The following HK1 variants were observed in gnomAD, a reference collection of about 807,000 sequenced individuals.
The protein encoded by HK1 is hexokinase-1.
In HK1, 28 loss-of-function variants were observed where a neutral mutation model predicts 91.6. That is an observed-to-expected ratio of 0.31 (90% CI 0.23 to 0.42). The LOEUF is 0.42. HK1 is among the 10% of genes least tolerant of loss of function. The pLI is 1.00. For missense variants in HK1, 770 were observed against 1,219.8 expected (o/e 0.63, Z 5.49); for synonymous variants, 430 against 468.1 (o/e 0.92, Z 1.05).
intron 1 of HK1, among the ~76,000 whole-genome samples, chr10:69,271,393 AC>A (rs1160050167): frequency 6.6e-6 from 1 of 152,172 alleles, no homozygotes; most frequent in Non-Finnish European, 1.5e-5. Context: ...TTAAAGTGGC[AC>A]CATGGTAATA....
chr10:69,346,721 AC>A (rs1848582133), intron 2 of HK1, among the ~76,000 whole-genome samples: 2 of 152,072 alleles, frequency 1.3e-5, no homozygotes, highest in African/African-American at 2.4e-5. Flanking sequence ...CATTAAAAAA[AC>A]CCCAAAAACC....
At chr10:69,386,957 A>G (rs17489768) in intron 13 of HK1, among the ~76,000 whole-genome samples, 16,394 of 152,076 alleles carry the variant, frequency 0.11, 1,009 homozygotes, top group South Asian at 0.22. Flanking sequence ...AAGGCAAATC[A>G]TGACTCTCAT....
chr10:69,343,876 A>T lies in HK1; in HGVS notation c.113A>T (p.Asp38Val). The T allele has an allele frequency of 6.2e-7, 1 of 1,613,960 alleles. No homozygotes were observed. Among genetic ancestry groups the T allele is most frequent in the Non-Finnish European group, 8.5e-7 (1 of 1,179,938 alleles). ...AMRLSDETLI[D>V]IMTRFRKEMK... ...CGGCTCTCCGATGAAACTCTCATAG[A>T]TATCATGACTCGCTTCAGGAAGGAG... Residue 38 changes from aspartate (D) to valine (V), a missense_variant, in exon 2 of 18, where the codon GAT becomes GTT. This residue lies in a region of HK1 where 449 missense variants were observed against 665.1 expected (regional missense o/e 0.68). Transcript: ENST00000359426.
At chr10:69,334,706 G>A (rs948131455) in intron 1 of HK1, among the ~76,000 whole-genome samples, 46 of 152,078 alleles carry the variant, frequency 3.0e-4, no homozygotes, top group African/African-American at 1.1e-3. Context: ...GCACACAAAG[G>A]GCCCAGAGGG....
chr10:69,302,074 C>T (rs1267517551), intron 5 of HK1, among the ~76,000 whole-genome samples: 4 of 151,786 alleles, frequency 2.6e-5, no homozygotes, highest in African/African-American at 9.7e-5. Context: ...GGTGAAACCC[C>T]ATCTCTACTA....
At chr10:69,371,710 T>G (rs1244433602) in intron 7 of HK1, among the ~76,000 whole-genome samples, 1 of 152,216 alleles carries the variant, frequency 6.6e-6, no homozygotes, top group Non-Finnish European at 1.5e-5. Flanking sequence ...AACTTGGATC[T>G]CTCTGCTGTC....
chr10:69,278,882 C>T (rs1016546248), intron 1 of HK1: 9 of 152,016 alleles, frequency 5.9e-5, no homozygotes, highest in African/African-American at 2.2e-4. Flanking sequence ...AGCTTGCTCT[C>T]CAGTGTTTGG....
intron 17 of HK1, among the ~76,000 whole-genome samples, chr10:69,399,042 C>T (rs1409731292): frequency 2.0e-5 from 3 of 152,198 alleles, no homozygotes; most frequent in Non-Finnish European, 4.4e-5. Flanking sequence ...AGTGGCTTCA[C>T]TTGGCCAGCT....
chr10:69,382,971 A>G (rs138464726), intron 10 of HK1, among the ~76,000 whole-genome samples, 180 bp downstream of exon 10: 1 of 152,178 alleles, frequency 6.6e-6, no homozygotes, highest in Non-Finnish European at 1.5e-5. Context: ...CATGTGTGTG[A>G]CTCAGGGCAG....
intron 7 of HK1, among the ~76,000 whole-genome samples, chr10:69,372,684 G>A (rs1362907785): frequency 6.6e-6 from 1 of 152,032 alleles, no homozygotes; most frequent in African/African-American, 2.4e-5. Flanking sequence ...TGGTAATCAG[G>A]GAGGATCTAG....
intron 1 of HK1, among the ~76,000 whole-genome samples, chr10:69,276,793 T>A (rs558964194): frequency 1.3e-5 from 2 of 149,492 alleles, no homozygotes; most frequent in Non-Finnish European, 3.0e-5. Context: ...ATAACTATTA[T>A]CTTTATATAT....
At chr10:69,356,121 A>G (rs1395419448) in intron 2 of HK1, among the ~76,000 whole-genome samples, 1 of 152,166 alleles carries the variant, frequency 6.6e-6, no homozygotes, top group Non-Finnish European at 1.5e-5. Context: ...AAAAGAAAAA[A>G]CGTAAAACTG....
intron 14 of HK1, 77 bp downstream of exon 14, chr10:69,389,373 C>G (rs1192776207): frequency 1.0e-6 from 1 of 969,240 alleles, no homozygotes; most frequent in Non-Finnish European, 1.6e-6. Flanking sequence ...CTTGGCCCAG[C>G]AGCTTGGTCC....
chr10:69,295,304 C>G (rs1424972039), intron 3 of HK1, among the ~76,000 whole-genome samples: 6 of 152,216 alleles, frequency 3.9e-5, no homozygotes, highest in African/African-American at 1.4e-4. Context: ...ACCGGCACAT[C>G]TGTCTTTCTT....
chr10:69,305,641 G>C (rs573095577), intron 5 of HK1, among the ~76,000 whole-genome samples: 8 of 152,052 alleles, frequency 5.3e-5, no homozygotes, highest in African/African-American at 1.9e-4. Flanking sequence ...GATCACCTGA[G>C]GTCAGGAGTT....
chr10:69,377,190 A>C, intron 8 of HK1, 101 bp downstream of exon 8: 3 of 1,405,654 alleles, frequency 2.1e-6, no homozygotes, highest in Non-Finnish European at 2.0e-6. Context: ...CTTTTCCTTC[A>C]AGAGTGTCAT....
At position 69,392,774 on chromosome 10, in the gene HK1, C is replaced by A. The variant is rs1047157569; in HGVS notation, c.2219+466C>A. On this transcript the variant is annotated intron_variant, in intron 15 of 17. Transcript: ENST00000359426. The stretch of plus-strand genomic sequence containing the variant: ...CCATGTCTGAAATGGCAGTGTCTGC[C>A]CTTTGTCTCAAGCCCCCAGGAATCA... Among the ~76,000 whole-genome samples the A allele has an allele frequency of 8.5e-5, 13 of 152,248 alleles. No individual in the cohort carries two copies. The South Asian group carries it at 2.7e-3, about 32-fold the overall frequency.
intron 1 of HK1, among the ~76,000 whole-genome samples, chr10:69,335,195 C>A (rs576233069): frequency 3.4e-4 from 52 of 152,134 alleles, no homozygotes; most frequent in Admixed American, 3.4e-3. Context: ...GCTGGGCAGC[C>A]GCAGAAGCCA....
At chr10:69,325,647 C>G (rs1011973696) in intron 1 of HK1, among the ~76,000 whole-genome samples, 1 of 149,930 alleles carries the variant, frequency 6.7e-6, no homozygotes, top group African/African-American at 2.5e-5. Context: ...TGCCTCAGTG[C>G]CCCCCCCTGC....
Sources: gnomAD v4.1 joint callset for allele counts (sites outside exome capture counted in the v4.1 genomes callset) on GRCh38, gnomAD v4.1.1 for gene constraint, gnomAD v4.1.1 regional missense constraint, MANE v1.5 for transcripts, NCBI Gene and HGNC (gene_info 2026-07-23, HGNC 2026-07-21) for gene names.